DNAH7: variants seen among roughly 807,000 people sequenced by gnomAD.
The protein encoded by DNAH7 is axonemal beta dynein heavy chain 7.
In DNAH7, 397 loss-of-function variants were observed where a neutral mutation model predicts 444.6. That is an observed-to-expected ratio of 0.89 (90% confidence interval 0.82 to 0.97). The LOEUF is 0.97. DNAH7 is among the 50% of genes least tolerant of loss of function. The pLI is 0.00. For synonymous variants in DNAH7, 1,636 were observed against 1,624.4 expected (o/e 1.01, Z -0.17); for missense variants, 4,902 against 4,800.8 (o/e 1.02, Z -0.62).
At chr2:195,830,318 G>A (rs1574510953) in intron 48 of DNAH7, among the ~76,000 whole-genome samples, 1 of 152,144 alleles carries the variant, frequency 6.6e-6, no homozygotes, top group East Asian at 1.9e-4. Context: ...GTTATCCTTA[G>A]CAACAGAAAC....
chr2:195,971,418 G>A (rs940920139), intron 16 of DNAH7, among the ~76,000 whole-genome samples: 5 of 152,242 alleles, frequency 3.3e-5, no homozygotes, highest in Non-Finnish European at 4.4e-5. Flanking sequence ...TCAAGGAGCT[G>A]ATGATCCCAT....
Position 195,822,437 on chromosome 2 carries a change from T to A in DNAH7, c.9291+1818A>T, listed in dbSNP as rs572169034. Among the ~76,000 whole-genome samples the A allele has an allele frequency of 2.6e-5, 4 of 152,338 alleles. No individual in the cohort carries two copies. In the East Asian group the frequency reaches 7.7e-4, roughly 29 times the overall value. Reference sequence around the variant, plus strand: ...TAAACTATGGTTTCATAATTTTATTTTCATTTAGACTCAAAAGGATTATAC... The same window carrying A: ...TAAACTATGGTTTCATAATTTTATTATCATTTAGACTCAAAAGGATTATAC... On this transcript the variant is annotated intron_variant, in intron 49 of 64. Transcript: ENST00000312428.
At position 195,771,698 on chromosome 2, in the gene DNAH7, T is replaced by C. The variant is rs1694848751; in HGVS notation, c.11395A>G (p.Ile3799Val). The C allele has an allele frequency of 1.9e-6, 3 of 1,614,196 alleles. No individual in the cohort carries two copies. The highest frequency in any genetic ancestry group is 1.1e-5 in the South Asian group (1 of 91,088). The change falls in exon 61 of 65, where the codon ATA (isoleucine) becomes GTA (valine). Residue 3799 changes from isoleucine to valine, a missense_variant. Physicochemically the swap from Ile to Val is conservative, Grantham distance 29. Transcript: ENST00000312428. The part of the protein sequence containing the change: ...MGRFNKLLKT[I>V]RDSCVNIQKA... ...TGAATATTTACGCACGAATCTCTTATGGTCTTCAGTAACTTATTGAACCGT... is the reference window on the plus strand; with the variant it reads ...TGAATATTTACGCACGAATCTCTTACGGTCTTCAGTAACTTATTGAACCGT...
chr2:195,817,681 T>C lies in DNAH7; in HGVS notation c.9425+15A>G. 6.3e-7 allele frequency: 1 copy of C among 1,594,484 alleles called. No homozygotes were observed. The highest frequency in any genetic ancestry group is 8.5e-7 in the Non-Finnish European group (1 of 1,174,432). On this transcript the variant is annotated intron_variant, in intron 50 of 64. Transcript: ENST00000312428. Reference sequence around the variant, plus strand: ...AGAAACAAATAAGAATAGTTCTGTTTATGACATTTAAAACCTTTTATTTTC... The same window carrying C: ...AGAAACAAATAAGAATAGTTCTGTTCATGACATTTAAAACCTTTTATTTTC...
At chr2:195,936,997 C>T (rs1435089223) in intron 19 of DNAH7, among the ~76,000 whole-genome samples, 1 of 151,944 alleles carries the variant, frequency 6.6e-6, no homozygotes, top group African/African-American at 2.4e-5. Flanking sequence ...TGATTTAATC[C>T]TCAGCCCTGT....
At chr2:195,860,559 T>C (rs1046500058) in intron 42 of DNAH7, among the ~76,000 whole-genome samples, 4 of 152,032 alleles carry the variant, frequency 2.6e-5, no homozygotes, top group African/African-American at 9.7e-5. Flanking sequence ...ATGACAGTCC[T>C]GTTGGGAGGG....
chr2:195,753,002 T>G (rs760487069), intron 63 of DNAH7, among the ~76,000 whole-genome samples: 2 of 152,236 alleles, frequency 1.3e-5, no homozygotes, highest in South Asian at 4.1e-4. Context: ...AGAAAGACAA[T>G]TGAAATGGCT....
At chr2:195,844,566 G>A (rs938624944) in intron 47 of DNAH7, among the ~76,000 whole-genome samples, 1 of 152,034 alleles carries the variant, frequency 6.6e-6, no homozygotes, top group Non-Finnish European at 1.5e-5. Context: ...ATCAGTGTAG[G>A]ACCCAGAAAT....
chr2:195,845,615 T>C lies in DNAH7; in HGVS notation c.8782-450A>G, dbSNP rs1381813090. 3.9e-5 allele frequency among the ~76,000 whole-genome samples: 6 copies of C among 152,334 alleles called. No homozygotes were observed. The East Asian group carries it at 9.6e-4, about 24-fold the overall frequency. ...CATCACATTATCTGACTTTGAACTATACTACAAGGCTCCAATAACCAAAAC... is the reference window on the plus strand; with the variant it reads ...CATCACATTATCTGACTTTGAACTACACTACAAGGCTCCAATAACCAAAAC... On this transcript the variant is annotated intron_variant, in intron 46 of 64. Coordinates refer to ENST00000312428, the MANE Select transcript of DNAH7 (RefSeq NM_018897.3).
chr2:196,042,826 C>A (rs1339422443), intron 5 of DNAH7, among the ~76,000 whole-genome samples: 1 of 152,016 alleles, frequency 6.6e-6, no homozygotes, highest in Non-Finnish European at 1.5e-5. Flanking sequence ...CTATACAACT[C>A]TTCATTCTAC....
At chr2:195,927,877 T>C (rs2125377143) in intron 21 of DNAH7, among the ~76,000 whole-genome samples, 1 of 152,240 alleles carries the variant, frequency 6.6e-6, no homozygotes, top group South Asian at 2.1e-4. Flanking sequence ...GGATATTTTG[T>C]CAACACAAAC....
At chr2:195,805,597 C>A (rs1344015306) in intron 54 of DNAH7, among the ~76,000 whole-genome samples, 1 of 151,938 alleles carries the variant, frequency 6.6e-6, no homozygotes, top group Non-Finnish European at 1.5e-5. Flanking sequence ...TTCGTGGACC[C>A]AAGGTACTTC....
chr2:195,787,706 C>T (rs1695690303), intron 57 of DNAH7, among the ~76,000 whole-genome samples: 1 of 152,044 alleles, frequency 6.6e-6, no homozygotes, highest in South Asian at 2.1e-4. Context: ...TGGGGTCTAC[C>T]CTCTAAGTTC....
chr2:196,008,531 G>A (rs1426482118), intron 10 of DNAH7, among the ~76,000 whole-genome samples: 2 of 152,150 alleles, frequency 1.3e-5, no homozygotes, highest in East Asian at 1.9e-4. Context: ...CCTGATGACT[G>A]GATGAATAAA....
At chr2:195,880,992 T>A (rs1298258661) in intron 36 of DNAH7, among the ~76,000 whole-genome samples, 1 of 151,316 alleles carries the variant, frequency 6.6e-6, no homozygotes, top group Non-Finnish European at 1.5e-5. Flanking sequence ...TGTACACTTT[T>A]AGTTTTTTTT....
At chr2:195,991,749 C>T (rs1200942687) in intron 12 of DNAH7, among the ~76,000 whole-genome samples, 1 of 152,182 alleles carries the variant, frequency 6.6e-6, no homozygotes, top group Non-Finnish European at 1.5e-5. Context: ...TTCAGCCATA[C>T]AATATGTGAG....
Position 195,796,704 on chromosome 2 carries a change from G to C in DNAH7, c.10387C>G (p.Leu3463Val). 1 of 1,614,130 alleles carries C rather than the reference G, an allele frequency of 6.2e-7. No homozygotes were observed. The highest frequency in any genetic ancestry group is 2.2e-5 in the East Asian group (1 of 44,868). ...YGGSKLSSLSLGQGQGPIAMK... is the reference protein window; with the variant it reads ...YGGSKLSSLSVGQGQGPIAMK... ...GCAATGGGCCCTTGGCCTTGACCAA[G>C]AGATAAAGAGCTAAGTTTTGATCCC... Residue 3463 changes from leucine to valine, a missense_variant, in exon 56 of 65, where the codon CTT (leucine) becomes GTT (valine). Physicochemically the swap from Leu to Val is conservative, Grantham distance 32 (BLOSUM62 1). Coordinates refer to ENST00000312428, the MANE Select transcript of DNAH7 (RefSeq NM_018897.3).
At chr2:196,048,509 C>G in intron 3 of DNAH7, 105 bp from the exon 4 acceptor site, 1 of 879,338 alleles carries the variant, frequency 1.1e-6, no homozygotes, top group Non-Finnish European at 1.8e-6. Flanking sequence ...TCAAACAGAT[C>G]AGAACATCTG....
At chr2:195,969,819 T>G (rs1046927005) in intron 17 of DNAH7, 129 bp downstream of exon 17, 11 of 905,198 alleles carry the variant, frequency 1.2e-5, no homozygotes, top group Non-Finnish European at 1.8e-5. Context: ...TTTGTGTCAT[T>G]CTATTATCCT....
Sources: gnomAD v4.1 joint callset for allele counts (sites outside exome capture counted in the v4.1 genomes callset) on GRCh38, gnomAD v4.1.1 for gene constraint, MANE v1.5 for transcripts, NCBI Gene and HGNC (gene_info 2026-07-23, HGNC 2026-07-21) for gene names.